The following DNAAF5 variants were observed in gnomAD, a reference collection of about 807,000 sequenced individuals.
The protein encoded by DNAAF5 is dynein axonemal assembly factor 5, also known as HEAT repeat containing 2.
DNAAF5 carries 64 observed loss-of-function variants against 75.8 expected under a neutral mutation model. The observed-to-expected ratio is 0.84, with a 90% CI of 0.69 to 1.04. The LOEUF is 1.04. Ranked by LOEUF, DNAAF5 falls within the 50% of genes least tolerant of loss-of-function variation. DNAAF5 has a pLI of 0.00. For synonymous variants in DNAAF5, 657 were observed against 557.2 expected, an observed-to-expected ratio of 1.18 and a Z score of -2.52; for missense variants, 1,269 against 1,178.5, an observed-to-expected ratio of 1.08 and a Z score of -1.12.
chr7:762,504 A>AC (rs971547212), intron 7 of DNAAF5, among the ~76,000 whole-genome samples: 2 of 151,106 alleles, frequency 1.3e-5, no homozygotes, highest in African/African-American at 4.9e-5. Flanking sequence ...AAAAAAAAAA[A>AC]GTGCATGTGC....
chr7:726,720 G>T lies in DNAAF5; in HGVS notation c.-1G>T. 8.1e-7 allele frequency: 1 copy of T among 1,239,732 alleles called. No individual in the cohort carries two copies. Among genetic ancestry groups the T allele is most frequent in the Non-Finnish European group, 1.0e-6 (1 of 992,768 alleles). 76.8% of individuals were successfully genotyped at this position (1,239,732 alleles called of 1,614,324 possible). On this transcript the variant is annotated 5_prime_UTR_variant, in exon 1 of 13. Coordinates refer to ENST00000297440, the MANE Select transcript of DNAAF5 (RefSeq NM_017802.4). ...CCTTAGTGACCGGCGACGCGGGCAA[G>T]ATGGCGGCGCTGGGGGTGGCGGAGG...
rs781625543 is a variant in DNAAF5 at position 740,948 on chromosome 7, G to A, written c.905+5G>A. On this transcript the variant is annotated splice_donor_5th_base_variant and intron_variant, in intron 3 of 12. Coordinates refer to ENST00000297440, the MANE Select transcript of DNAAF5 (RefSeq NM_017802.4). The stretch of plus-strand genomic sequence containing the variant: ...CGACGAGGTGCCTGAGGTCAGGTAC[G>A]TGGGCAGGCGGCCGCGGGCCTTGTC... The A allele has an allele frequency of 6.2e-6, 10 of 1,612,172 alleles. No individual in the cohort carries two copies. The highest frequency in any genetic ancestry group is 4.0e-5 in the African/African-American group (3 of 74,932).
chr7:740,887 C>G lies in DNAAF5; in HGVS notation c.849C>G (p.Phe283Leu). Residue 283 changes from phenylalanine (F) to leucine (L), a missense_variant, in exon 3 of 13, where the codon TTC becomes TTG. Coordinates refer to ENST00000297440, the MANE Select transcript of DNAAF5 (RefSeq NM_017802.4). ...GTCTGCGTGACCGTTACTCCTTCTT[C>G]CACAAGCTCATCCCTCTGCTGCTCA... ...LLCLRDRYSF[F>L]HKLIPLLLSS... 2 of 1,614,052 alleles carry G rather than the reference C, an allele frequency of 1.2e-6. No individual in the cohort carries two copies. The highest frequency in any genetic ancestry group is 1.7e-6 in the Non-Finnish European group (2 of 1,180,036).
At chr7:749,300 T>G (rs112106180) in intron 4 of DNAAF5, among the ~76,000 whole-genome samples, 62 of 152,314 alleles carry the variant, frequency 4.1e-4, no homozygotes, top group African/African-American at 1.4e-3. Context: ...GCTTTGAGAT[T>G]ATCCCTCTGT....
intron 8 of DNAAF5, chr7:769,112 C>A: frequency 1.3e-6 from 1 of 754,264 alleles, no homozygotes. Context: ...AGGGCAGGTG[C>A]GGGGGTCTCA....
rs374690741 is a variant in DNAAF5, at chr7:763,768, T to C, written c.1615-38T>C. ...CAGGCAGGCAGGCTTGAGCCCTGAG[T>C]GTTGGAATTGTCTCAGTCTCTGACT... On this transcript the variant is annotated intron_variant, in intron 7 of 12. Coordinates refer to ENST00000297440, the MANE Select transcript of DNAAF5 (RefSeq NM_017802.4). 5.2e-5 allele frequency: 83 copies of C among 1,605,586 alleles called. No individual in the cohort carries two copies. In the Middle Eastern group the frequency reaches 2.3e-3, roughly 45 times the overall value.
chr7:755,580 T>C (rs1204255477), intron 5 of DNAAF5, among the ~76,000 whole-genome samples: 2 of 152,196 alleles, frequency 1.3e-5, no homozygotes, highest in Non-Finnish European at 2.9e-5. Context: ...CAGGTCACTG[T>C]TACTAGCCCA....
intron 8 of DNAAF5, among the ~76,000 whole-genome samples, chr7:764,990 G>A (rs533805998): frequency 6.6e-6 from 1 of 152,036 alleles, no homozygotes; most frequent in African/African-American, 2.4e-5. Context: ...GCGTGGTGGT[G>A]TGCGCCTGTG....
chr7:761,116 C>G (rs1156952531), intron 6 of DNAAF5, among the ~76,000 whole-genome samples: 1 of 152,240 alleles, frequency 6.6e-6, no homozygotes, highest in African/African-American at 2.4e-5. Flanking sequence ...CGCAGCTTCT[C>G]CACCACATAG....
chr7:761,253 G>GGGGGCTC (rs1440662299), intron 6 of DNAAF5, among the ~76,000 whole-genome samples: 1 of 24,252 alleles, frequency 4.1e-5, no homozygotes. Context: ...TCCAGCGCCT[G>GGGGGCTC]GGGGCTCTCC....
At chr7:782,756 A>G (rs552033739) in intron 12 of DNAAF5, among the ~76,000 whole-genome samples, 1 of 87,346 alleles carries the variant, frequency 1.1e-5, no homozygotes, top group East Asian at 3.2e-4. Flanking sequence ...AGCGTCAGAA[A>G]CTCGATCTTC....
chr7:768,259 A>G (rs1583510041), intron 8 of DNAAF5, among the ~76,000 whole-genome samples: 2 of 141,140 alleles, frequency 1.4e-5, no homozygotes, highest in African/African-American at 2.7e-5. Flanking sequence ...TGCTGCGAGG[A>G]GGAGCTAGCG....
chr7:752,621 A>G (rs1286849466), intron 4 of DNAAF5, among the ~76,000 whole-genome samples: 1 of 147,812 alleles, frequency 6.8e-6, no homozygotes, highest in African/African-American at 2.5e-5. Flanking sequence ...GTGCATCCTC[A>G]AAAGACCGCA....
Position 726,976 on chromosome 7 carries a change from A to T in DNAAF5, c.256A>T (p.Ser86Cys). Residue 86 changes from serine to cysteine, a missense_variant, in exon 1 of 13, where the codon AGC (serine) becomes TGC (cysteine). Ser to Cys is a moderately radical substitution (Grantham distance 112, BLOSUM62 -1). Coordinates refer to ENST00000297440, the MANE Select transcript of DNAAF5 (RefSeq NM_017802.4). ...GCTGCCGCGCTTGCTGCGCTGCCTG[A>T]GCGACCCCGCCGAGGGCTGCCGCGC... The part of the protein sequence containing the change: ...LLLPRLLRCL[S>C]DPAEGCRALA... 1.5e-6 allele frequency: 2 copies of T among 1,301,646 alleles called. No homozygotes were observed. The highest frequency in any genetic ancestry group is 2.0e-6 in the Non-Finnish European group (2 of 1,020,750). 80.6% of individuals were successfully genotyped at this position (1,301,646 alleles called of 1,614,324 possible).
chr7:753,309 C>T (rs540689690), intron 4 of DNAAF5, among the ~76,000 whole-genome samples: 2 of 152,240 alleles, frequency 1.3e-5, no homozygotes, highest in South Asian at 4.1e-4. Context: ...CAGAAAGGAG[C>T]GGGCACAGGC....
chr7:763,299 C>T (rs956743764), intron 7 of DNAAF5, among the ~76,000 whole-genome samples: 1 of 152,156 alleles, frequency 6.6e-6, no homozygotes, highest in Non-Finnish European at 1.5e-5. Context: ...CAATGGCCAC[C>T]GGGGAGCCTC....
chr7:763,152 C>T (rs988445693), intron 7 of DNAAF5, among the ~76,000 whole-genome samples: 1 of 152,160 alleles, frequency 6.6e-6, no homozygotes, highest in Non-Finnish European at 1.5e-5. Context: ...CCTCTAAAAA[C>T]AAGCTTCCCA....
chr7:774,607 G>A (rs922692310), intron 10 of DNAAF5, among the ~76,000 whole-genome samples: 4 of 152,178 alleles, frequency 2.6e-5, no homozygotes, highest in African/African-American at 9.6e-5. Context: ...TCAGAAAACA[G>A]ACACTGATGC....
At chr7:765,819 G>C (rs1356309411) in intron 8 of DNAAF5, among the ~76,000 whole-genome samples, 1 of 152,176 alleles carries the variant, frequency 6.6e-6, no homozygotes, top group Non-Finnish European at 1.5e-5. Context: ...TTCTGCCTTA[G>C]CCTCCTGAGT....
Sources: allele counts gnomAD v4.1 joint callset (sites outside exome capture counted in the v4.1 genomes callset), GRCh38; gene constraint gnomAD v4.1.1; transcripts MANE v1.5; gene names NCBI Gene and HGNC (gene_info 2026-07-23, HGNC 2026-07-21).